The following TRERF1 variants were observed in gnomAD, a reference collection of about 807,000 sequenced individuals.
TRERF1 encodes the protein transcriptional-regulating factor 1.
Under a neutral mutation model 122.9 loss-of-function variants are expected in TRERF1, and 27 were observed. That is an observed-to-expected ratio of 0.22 (90% CI 0.16 to 0.30). The LOEUF (loss-of-function observed/expected upper bound fraction) is 0.30, where lower values mean the gene tolerates loss of function less well. TRERF1 is among the 10% of genes least tolerant of loss of function. TRERF1 has a pLI of 1.00. For missense variants in TRERF1, 1,248 were observed against 1,560.3 expected (o/e 0.80, Z 3.37); for synonymous variants, 636 against 641.7 (o/e 0.99, Z 0.13).
intron 3 of TRERF1, among the ~76,000 whole-genome samples, chr6:42,348,821 T>C (rs1244190244): frequency 4.6e-5 from 7 of 152,036 alleles, no homozygotes; most frequent in Admixed American, 4.6e-4. Context: ...ACTGCAATGG[T>C]GCTAAAGGAA....
chr6:42,427,788 G>A (rs1194669042), intron 2 of TRERF1, among the ~76,000 whole-genome samples: 1 of 151,790 alleles, frequency 6.6e-6, no homozygotes, highest in African/African-American at 2.4e-5. Context: ...AGGCTCAAAT[G>A]ATCCTCCCGC....
chr6:42,238,208 T>C (rs1246044329), intron 15 of TRERF1, among the ~76,000 whole-genome samples: 3 of 152,260 alleles, frequency 2.0e-5, no homozygotes, highest in Admixed American at 1.3e-4. Flanking sequence ...GTTTGGCATT[T>C]AAAAATAATT....
At chr6:42,254,205 A>G (rs1776317433) in intron 13 of TRERF1, among the ~76,000 whole-genome samples, 1 of 152,130 alleles carries the variant, frequency 6.6e-6, no homozygotes, top group African/African-American at 2.4e-5. Context: ...TGTCAGTGTG[A>G]TCCATTATTT....
At chr6:42,362,382 T>C (rs1285296423) in intron 3 of TRERF1, among the ~76,000 whole-genome samples, 1 of 152,208 alleles carries the variant, frequency 6.6e-6, no homozygotes, top group Non-Finnish European at 1.5e-5. Flanking sequence ...CAAGAATGTG[T>C]GGAGGATGGA....
chr6:42,423,220 T>C (rs1783062204), intron 2 of TRERF1, among the ~76,000 whole-genome samples: 1 of 152,202 alleles, frequency 6.6e-6, no homozygotes, highest in African/African-American at 2.4e-5. Context: ...AGCCCATCCG[T>C]AACTCTACTC....
chr6:42,260,666 C>T (rs75857486), intron 8 of TRERF1, among the ~76,000 whole-genome samples: 1 of 152,124 alleles, frequency 6.6e-6, no homozygotes. Context: ...GTCTGGGGTG[C>T]CCTCTCAGGC....
intron 2 of TRERF1, among the ~76,000 whole-genome samples, chr6:42,406,762 A>C (rs1188612216): frequency 8.4e-4 from 106 of 125,728 alleles, no homozygotes; most frequent in African/African-American, 1.4e-3. Context: ...CTTACCCCCC[A>C]CCCCCCTCCT....
rs200341234 is a variant in TRERF1 at position 42,259,768 on chromosome 6, C to G, written c.1885-45G>C. 1 of 1,597,596 alleles carries G rather than the reference C, an allele frequency of 6.3e-7. No homozygotes were observed. On this transcript the variant is annotated intron_variant, in intron 8 of 17. Coordinates refer to ENST00000372922, the Ensembl canonical transcript of TRERF1. The surrounding 1 kb of genome is among the most constrained non-coding windows in gnomAD (Gnocchi z 4.9). ...CTGATTCGAATACTTCAGCTTCCCC[C>G]GCAGGCCATTTCCACAGGTTCAGGG...
At position 42,275,066 on chromosome 6, in the gene TRERF1, G is replaced by A. The variant is rs535826740; in HGVS notation, c.-258-5218C>T. On this transcript the variant is annotated intron_variant, in intron 4 of 17. Coordinates refer to ENST00000372922, the Ensembl canonical transcript of TRERF1. This position sits in a 1 kb window ranked among gnomAD's most constrained non-coding sequence, Gnocchi z 4.1. Reference sequence around the variant, plus strand: ...ATACAAGAACACTAATGCACAGCCCGTCTTATACAGATGGTAGCGTGCTAC... The same window carrying A: ...ATACAAGAACACTAATGCACAGCCCATCTTATACAGATGGTAGCGTGCTAC... 6.6e-5 allele frequency among the ~76,000 whole-genome samples: 10 copies of A among 152,300 alleles called. No individual in the cohort carries two copies. Among genetic ancestry groups the A allele is most frequent in the Admixed American group, 3.9e-4 (6 of 15,302 alleles).
At chr6:42,229,094 C>T (rs1770010332) in intron 17 of TRERF1, among the ~76,000 whole-genome samples, 1 of 152,182 alleles carries the variant, frequency 6.6e-6, no homozygotes, top group Non-Finnish European at 1.5e-5. Context: ...TGGCCTCTGT[C>T]CCTGTTCCTC....
At chr6:42,402,182 C>T (rs952593502) in intron 2 of TRERF1, among the ~76,000 whole-genome samples, 4 of 152,126 alleles carry the variant, frequency 2.6e-5, no homozygotes, top group African/African-American at 9.7e-5. Context: ...TGGACCCTCA[C>T]CCAAGACCTT....
intron 2 of TRERF1, among the ~76,000 whole-genome samples, chr6:42,402,882 G>C (rs370771568): frequency 6.6e-6 from 1 of 152,112 alleles, no homozygotes; most frequent in Non-Finnish European, 1.5e-5. Flanking sequence ...AGAGGTCAGG[G>C]AAGTCACCCA....
chr6:42,328,004 C>CTTTT (rs36069546), intron 3 of TRERF1, among the ~76,000 whole-genome samples: 24 of 107,970 alleles, frequency 2.2e-4, no homozygotes, highest in Non-Finnish European at 3.9e-4. Context: ...TTCTTTCTTT[C>CTTTT]TTTTTTTTTT....
At position 42,384,655 on chromosome 6, in the gene TRERF1, A is replaced by G. The variant is rs541586326; in HGVS notation, c.-453-21576T>C. Among the ~76,000 whole-genome samples, 5 of 152,358 alleles carry G rather than the reference A, an allele frequency of 3.3e-5. No individual in the cohort carries two copies. The East Asian group carries it at 9.6e-4, about 29-fold the overall frequency. On this transcript the variant is annotated intron_variant, in intron 2 of 17. Transcript: ENST00000372922. Reference sequence around the variant, plus strand: ...AGCAAGCAAAAAGAAAAAGTTTCTAAGTAACTGATCTAGTTCTACCACCAC... The same window carrying G: ...AGCAAGCAAAAAGAAAAAGTTTCTAGGTAACTGATCTAGTTCTACCACCAC...
chr6:42,429,472 C>A (rs1243746081), intron 2 of TRERF1, among the ~76,000 whole-genome samples: 1 of 152,162 alleles, frequency 6.6e-6, no homozygotes, highest in African/African-American at 2.4e-5. Context: ...TCACTTTCTC[C>A]GGGGCCTTAG....
intron 3 of TRERF1, among the ~76,000 whole-genome samples, chr6:42,310,637 G>C (rs1329151807): frequency 6.6e-6 from 1 of 152,152 alleles, no homozygotes; most frequent in Non-Finnish European, 1.5e-5. Flanking sequence ...AGGACGATCT[G>C]GTCTAAAACG....
At chr6:42,287,268 T>G (rs908037529) in intron 4 of TRERF1, among the ~76,000 whole-genome samples, 2 of 148,518 alleles carry the variant, frequency 1.3e-5, no homozygotes, top group Non-Finnish European at 3.0e-5. Context: ...AATGTGCACA[T>G]GTACCCTAAA....
chr6:42,263,347 C>A lies in TRERF1; in HGVS notation c.1857G>T (p.Ser619=), dbSNP rs114126055. The change falls in exon 8 of 18, where the codon TCG becomes TCT. Residue 619 remains serine (S), a synonymous_variant. Coordinates refer to ENST00000372922, the Ensembl canonical transcript of TRERF1. The surrounding 1 kb of genome is among the most constrained non-coding windows in gnomAD (Gnocchi z 5.6). Reference sequence around the variant, plus strand: ...GCACAGGCATCTCGTCGTCCGACATCGAGCTGGCTGGCTTGTCTCTGGCGG... The same window carrying A: ...GCACAGGCATCTCGTCGTCCGACATAGAGCTGGCTGGCTTGTCTCTGGCGG... 722 of 1,612,962 alleles carry A rather than the reference C, an allele frequency of 4.5e-4. 3 individuals carry two copies. In the African/African-American group the frequency reaches 8.8e-3, roughly 20 times the overall value.
intron 2 of TRERF1, among the ~76,000 whole-genome samples, chr6:42,412,999 T>C (rs959320439): frequency 1.8e-4 from 28 of 152,074 alleles, no homozygotes; most frequent in African/African-American, 6.3e-4. Context: ...GCTAAATCAG[T>C]GGAGGCTAGG....
Sources: gnomAD v4.1 joint callset for allele counts (sites outside exome capture counted in the v4.1 genomes callset) on GRCh38, gnomAD v4.1.1 for gene constraint, Gnocchi (gnomAD v3.1) non-coding constraint, MANE v1.5 for transcripts, NCBI Gene and HGNC (gene_info 2026-07-23, HGNC 2026-07-21) for gene names.